The following NXN variants were observed in gnomAD, a reference collection of about 807,000 sequenced individuals.
NXN encodes the protein nucleoredoxin, also known as nucleoredoxin 1.
NXN carries 16 observed loss-of-function variants against 48.6 expected under a neutral mutation model. The observed-to-expected ratio is 0.33, with a 90% confidence interval of 0.22 to 0.50. The LOEUF (loss-of-function observed/expected upper bound fraction) is 0.50. Ranked by LOEUF, NXN falls within the 20% of genes least tolerant of loss-of-function variation. NXN has a pLI of 0.98. For missense variants in NXN, 492 were observed against 605.5 expected (o/e 0.81, Z 1.97); for synonymous variants, 281 against 269.6 (o/e 1.04, Z -0.41).
At chr17:925,414 G>A (rs1324591906) in intron 1 of NXN, among the ~76,000 whole-genome samples, 2 of 152,160 alleles carry the variant, frequency 1.3e-5, no homozygotes, top group Non-Finnish European at 2.9e-5. Flanking sequence ...CTGAGACAGA[G>A]TTTTGCTCTT....
At chr17:858,723 C>CA (rs572134365) in intron 1 of NXN, among the ~76,000 whole-genome samples, 72 of 149,482 alleles carry the variant, frequency 4.8e-4, no homozygotes, top group Admixed American at 2.7e-3. Context: ...AGCGAGACTC[C>CA]GTCTCAAAAA....
chr17:944,328 T>C (rs574234566), intron 1 of NXN, among the ~76,000 whole-genome samples: 2 of 152,364 alleles, frequency 1.3e-5, no homozygotes, highest in East Asian at 3.9e-4. Context: ...GTGATTTGTG[T>C]TCCTGTCTCG....
intron 5 of NXN, among the ~76,000 whole-genome samples, chr17:818,324 C>T (rs1225042452): frequency 6.6e-6 from 1 of 152,072 alleles, no homozygotes; most frequent in Non-Finnish European, 1.5e-5. Flanking sequence ...GTTTACAACA[C>T]TCTCAGGAAA....
At chr17:970,372 G>A (rs957186988) in intron 1 of NXN, among the ~76,000 whole-genome samples, 3 of 152,052 alleles carry the variant, frequency 2.0e-5, no homozygotes. Context: ...GCAGCCTGCA[G>A]GCTTTCCGTA....
At position 846,407 on chromosome 17, in the gene NXN, T is replaced by G. The variant is rs561467909; in HGVS notation, c.361-20329A>C. On this transcript the variant is annotated intron_variant, in intron 1 of 7. Coordinates refer to ENST00000336868, the MANE Select transcript of NXN (RefSeq NM_022463.5). Reference sequence around the variant, plus strand: ...ACTCCAGCCTGGCGACAGAGAGAAATTGTCTCAAAAAAAAAAAAAAAAAAG... The same window carrying G: ...ACTCCAGCCTGGCGACAGAGAGAAAGTGTCTCAAAAAAAAAAAAAAAAAAG... Among the ~76,000 whole-genome samples the G allele has an allele frequency of 8.1e-5, 10 of 122,700 alleles. No homozygotes were observed. The South Asian group carries it at 2.5e-3, about 31-fold the overall frequency. 80.5% of individuals were successfully genotyped at this position (122,700 alleles called of 152,430 possible).
At chr17:835,124 T>TCC (rs1913728007) in intron 1 of NXN, among the ~76,000 whole-genome samples, 1 of 150,160 alleles carries the variant, frequency 6.7e-6, no homozygotes, top group East Asian at 2.0e-4. Flanking sequence ...CTGGCTAACA[T>TCC]GGTGAAACCC....
chr17:931,502 A>C (rs970133776), intron 1 of NXN, among the ~76,000 whole-genome samples: 2 of 151,752 alleles, frequency 1.3e-5, no homozygotes, highest in African/African-American at 4.8e-5. Context: ...TATGTATACT[A>C]CTTGATTTTG....
At chr17:843,963 C>T (rs577169807) in intron 1 of NXN, among the ~76,000 whole-genome samples, 162 of 152,344 alleles carry the variant, frequency 1.1e-3, no homozygotes, top group African/African-American at 3.8e-3. Flanking sequence ...ATGAGGACTC[C>T]GTGGAGGGAA....
intron 3 of NXN, among the ~76,000 whole-genome samples, chr17:823,223 A>T (rs1310775490): frequency 6.6e-6 from 1 of 152,042 alleles, no homozygotes; most frequent in African/African-American, 2.4e-5. Context: ...ACATGGCAAA[A>T]CCCTGTCTCT....
At chr17:857,583 G>A (rs2067999360) in intron 1 of NXN, among the ~76,000 whole-genome samples, 1 of 152,118 alleles carries the variant, frequency 6.6e-6, no homozygotes, top group Admixed American at 6.5e-5. Context: ...TTCTAAAGCT[G>A]AAGTTAAGGA....
At chr17:877,127 A>G (rs1222114620) in intron 1 of NXN, among the ~76,000 whole-genome samples, 1 of 151,868 alleles carries the variant, frequency 6.6e-6, no homozygotes, top group East Asian at 1.9e-4. Context: ...CAAACGTACT[A>G]AACAACTATG....
At chr17:947,021 G>A (rs1362277428) in intron 1 of NXN, among the ~76,000 whole-genome samples, 1 of 152,164 alleles carries the variant, frequency 6.6e-6, no homozygotes, top group Admixed American at 6.5e-5. Context: ...CGTCCTCCAG[G>A]GGCCGCATGA....
chr17:918,907 A>ATT (rs1282065108), intron 1 of NXN, among the ~76,000 whole-genome samples: 2 of 151,828 alleles, frequency 1.3e-5, no homozygotes, highest in Admixed American at 1.3e-4. Flanking sequence ...CCTCATTAAA[A>ATT]ATGTCTCTGC....
At chr17:870,871 A>AT (rs1366223357) in intron 1 of NXN, among the ~76,000 whole-genome samples, 1 of 151,360 alleles carries the variant, frequency 6.6e-6, no homozygotes, top group African/African-American at 2.4e-5. Context: ...TTATTTATTT[A>AT]TTTTTGAGAC....
chr17:889,709 A>C (rs2068389656), intron 1 of NXN, among the ~76,000 whole-genome samples: 1 of 48,590 alleles, frequency 2.1e-5, no homozygotes. Context: ...AAAAGAAAGA[A>C]AGAAAGAAAG....
chr17:815,976 G>T (rs1912448843), intron 5 of NXN, among the ~76,000 whole-genome samples: 1 of 152,190 alleles, frequency 6.6e-6, no homozygotes, highest in Non-Finnish European at 1.5e-5. Flanking sequence ...TCACCTCCTG[G>T]TGTATAAGGG....
At chr17:962,834 G>A (rs889531824) in intron 1 of NXN, among the ~76,000 whole-genome samples, 1 of 152,146 alleles carries the variant, frequency 6.6e-6, no homozygotes, top group African/African-American at 2.4e-5. Flanking sequence ...CCAAACGGCA[G>A]AGCCCAGCGG....
chr17:815,751 A>T (rs1912436914), intron 5 of NXN, among the ~76,000 whole-genome samples: 1 of 152,228 alleles, frequency 6.6e-6, no homozygotes, highest in Admixed American at 6.5e-5. Flanking sequence ...TTTATTCAAG[A>T]TAAAAACGTT....
chr17:869,552 A>T (rs1045275686), intron 1 of NXN, among the ~76,000 whole-genome samples: 1 of 152,174 alleles, frequency 6.6e-6, no homozygotes, highest in Non-Finnish European at 1.5e-5. Flanking sequence ...CACATACTTT[A>T]AGTATTATTT....
Sources: gnomAD v4.1 joint callset for allele counts (sites outside exome capture counted in the v4.1 genomes callset) on GRCh38, gnomAD v4.1.1 for gene constraint, MANE v1.5 for transcripts, NCBI Gene and HGNC (gene_info 2026-07-23, HGNC 2026-07-21) for gene names.